The following TMEM68 variants were observed in gnomAD, a reference collection of about 807,000 sequenced individuals.
TMEM68 encodes the protein DGAT1/2-independent enzyme synthesizing storage lipids.
In TMEM68, 25 loss-of-function variants were observed where a neutral mutation model predicts 36.9. That is an observed-to-expected ratio of 0.68 (90% CI 0.49 to 0.95). The LOEUF (loss-of-function observed/expected upper bound fraction) is 0.95. Among genes scored for constraint, TMEM68 ranks in the 40% least tolerant of loss-of-function variants. The pLI is 0.00. For missense variants in TMEM68, 333 were observed against 392.0 expected (o/e 0.85, Z 1.27); for synonymous variants, 131 against 124.4 (o/e 1.05, Z -0.35).
At chr8:55,745,257 C>T in intron 5 of TMEM68, 136 bp from the exon 6 acceptor site, 1 of 448,246 alleles carries the variant, frequency 2.2e-6, no homozygotes, top group Non-Finnish European at 3.9e-6. Flanking sequence ...TGAACATGCC[C>T]AATCTCGTCT....
Position 55,762,736 on chromosome 8 carries a change from T to C in TMEM68, c.224A>G (p.Lys75Arg), listed in dbSNP as rs1482382128. 13 of 1,613,768 alleles carry C rather than the reference T, an allele frequency of 8.1e-6. No homozygotes were observed. The highest frequency in any genetic ancestry group is 1.3e-5 in the African/African-American group (1 of 74,884). ...YLTIIFLHIY[K>R]RKNVLKEAYS... ...GGCTTCTTTCAATACATTCTTTCTC[T>C]TATAAATGTGTAAGAAAATAATAGT... The change falls in exon 3 of 8, where the codon AAG (lysine) becomes AGG (arginine). Residue 75 changes from lysine (K) to arginine (R), a missense_variant. Coordinates refer to ENST00000434581, the MANE Select transcript of TMEM68 (RefSeq NM_001286657.2).
rs1479659664 is a variant in TMEM68 at position 55,754,602 on chromosome 8, ATATATT to A, written c.493+1636_493+1641del. On this transcript the variant is annotated intron_variant, in intron 4 of 7. Coordinates refer to ENST00000434581, the MANE Select transcript of TMEM68 (RefSeq NM_001286657.2). ...ATATAAAATACATATATTATGTAAT[ATATATT>A]TATATTATATATAAAATACATACAT... is the stretch of plus-strand genomic sequence containing the variant. 2.2e-5 allele frequency among the ~76,000 whole-genome samples: 3 copies of A among 134,020 alleles called. 1 individual carries two copies. In the Admixed American group the frequency reaches 2.5e-4, roughly 11 times the overall value. The allele number at this position is 134,020 out of a possible 152,430, so 87.9% of individuals were successfully genotyped here. A position where few individuals can be genotyped will look rare whatever the true frequency, so the allele number is the denominator to read the frequency against.
At chr8:55,761,572 T>A (rs763669594) in intron 3 of TMEM68, 3 of 152,224 alleles carry the variant, frequency 2.0e-5, no homozygotes, top group Non-Finnish European at 4.4e-5. Flanking sequence ...TGTGCCTCAG[T>A]TTCCTCATGA....
intron 3 of TMEM68, among the ~76,000 whole-genome samples, chr8:55,760,007 G>A (rs1327312600): frequency 6.6e-6 from 1 of 152,202 alleles, no homozygotes; most frequent in Non-Finnish European, 1.5e-5. Flanking sequence ...GAAAGGTGGT[G>A]GACCTGGAGA....
intron 5 of TMEM68, 57 bp from the exon 6 acceptor site, chr8:55,745,178 C>T (rs1810233160): frequency 3.3e-6 from 4 of 1,197,644 alleles, no homozygotes; most frequent in Non-Finnish European, 4.5e-6. Context: ...TTCAATGTCT[C>T]CATTAGAGTA....
chr8:55,752,878 C>T (rs1810462609), intron 4 of TMEM68, among the ~76,000 whole-genome samples: 1 of 151,928 alleles, frequency 6.6e-6, no homozygotes, highest in African/African-American at 2.4e-5. Context: ...CACTGTGCCA[C>T]CATGCCTGGC....
intron 4 of TMEM68, 35 bp from the exon 5 acceptor site, chr8:55,751,192 G>A (rs1250901117): frequency 1.3e-6 from 2 of 1,526,992 alleles, no homozygotes; most frequent in Non-Finnish European, 8.8e-7. Context: ...TACAACATAA[G>A]TATTTCTTGT....
At chr8:55,765,105 T>C (rs927483311) in intron 1 of TMEM68, among the ~76,000 whole-genome samples, 1 of 152,024 alleles carries the variant, frequency 6.6e-6, no homozygotes, top group Non-Finnish European at 1.5e-5. Context: ...CAAATCACTA[T>C]AATTTACCCA....
chr8:55,758,728 C>T (rs968676606), intron 3 of TMEM68, among the ~76,000 whole-genome samples: 2 of 152,150 alleles, frequency 1.3e-5, no homozygotes, highest in Admixed American at 1.3e-4. Flanking sequence ...ATTGCTTGAG[C>T]CCAGAAGTTG....
At position 55,751,060 on chromosome 8, in the gene TMEM68, T is replaced by A; in HGVS notation, c.591A>T (p.Pro197=). The A allele has an allele frequency of 1.2e-6, 2 of 1,614,182 alleles. No homozygotes were observed. The highest frequency in any genetic ancestry group is 1.7e-6 in the Non-Finnish European group (2 of 1,180,018). ...TAATTAGGGCTTCTCGAACTCCACC[T>A]GGTGAGATAGCTAACAAGTGGCCAC... is the stretch of plus-strand genomic sequence containing the variant. ...LRSGHLLAIS[P]GGVREALISD... Residue 197 remains proline (P), a synonymous_variant, in exon 5 of 8, where the codon CCA becomes CCT. Transcript: ENST00000434581.
At chr8:55,753,694 T>C (rs1039556072) in intron 4 of TMEM68, among the ~76,000 whole-genome samples, 1 of 152,224 alleles carries the variant, frequency 6.6e-6, no homozygotes, top group African/African-American at 2.4e-5. Context: ...TTGTTTCTGG[T>C]GATTCAGTGA....
intron 3 of TMEM68, chr8:55,761,310 C>T (rs1810783562): frequency 6.6e-6 from 1 of 152,152 alleles, no homozygotes; most frequent in South Asian, 2.1e-4. Context: ...ACTGTGGCTC[C>T]CAGAGTACTT....
chr8:55,744,561 C>T (rs1810213862), intron 6 of TMEM68, among the ~76,000 whole-genome samples: 1 of 151,922 alleles, frequency 6.6e-6, no homozygotes. Context: ...CCCACCTCGG[C>T]CTCCCAAAGT....
intron 4 of TMEM68, among the ~76,000 whole-genome samples, chr8:55,754,861 A>G (rs1402093018): frequency 1.5e-5 from 2 of 135,396 alleles, no homozygotes; most frequent in East Asian, 2.0e-4. Context: ...TATATTATAT[A>G]TAAAATATAT....
At chr8:55,771,794 G>A (rs1433527223) in intron 1 of TMEM68, among the ~76,000 whole-genome samples, 1 of 152,120 alleles carries the variant, frequency 6.6e-6, no homozygotes, top group Non-Finnish European at 1.5e-5. Context: ...TTTAATAATG[G>A]TTTAACAGAG....
At chr8:55,746,545 T>A (rs1020899531) in intron 5 of TMEM68, 2 of 152,088 alleles carry the variant, frequency 1.3e-5, no homozygotes, top group African/African-American at 4.8e-5. Flanking sequence ...AAAATATACA[T>A]AATATACTGA....
chr8:55,769,639 CTTTTT>C (rs542678482), intron 1 of TMEM68, among the ~76,000 whole-genome samples: 2,249 of 147,976 alleles, frequency 0.015, 63 homozygotes, highest in African/African-American at 0.051. Context: ...TCGTCTAAAA[CTTTTT>C]TTTTTTGAGA....
At chr8:55,753,090 A>C (rs1810467191) in intron 4 of TMEM68, among the ~76,000 whole-genome samples, 1 of 152,072 alleles carries the variant, frequency 6.6e-6, no homozygotes, top group South Asian at 2.1e-4. Flanking sequence ...GCAAAGAAAG[A>C]CTTAAGGTCT....
intron 5 of TMEM68, among the ~76,000 whole-genome samples, chr8:55,750,502 G>A (rs1357371022): frequency 1.3e-5 from 2 of 149,136 alleles, no homozygotes; most frequent in African/African-American, 4.9e-5. Context: ...CTTTCCGAAG[G>A]CAAAGTAAAA....
Sources: allele counts gnomAD v4.1 joint callset (sites outside exome capture counted in the v4.1 genomes callset), GRCh38; gene constraint gnomAD v4.1.1; transcripts MANE v1.5; gene names NCBI Gene and HGNC (gene_info 2026-07-23, HGNC 2026-07-21).